Variants in ARPC5L observed in about 807,000 individuals in gnomAD.
ARPC5L encodes the protein actin related protein 2/3 complex subunit 5 like.
Under a neutral mutation model 16.9 loss-of-function variants are expected in ARPC5L, and 4 were observed. That is an observed-to-expected ratio of 0.24 (90% CI 0.12 to 0.54). The LOEUF (loss-of-function observed/expected upper bound fraction) is 0.54, where lower values mean the gene tolerates loss of function less well. Among genes scored for constraint, ARPC5L ranks in the 20% least tolerant of loss-of-function variants. The pLI, the probability that ARPC5L is intolerant of heterozygous loss-of-function variation, is 0.95. For missense variants in ARPC5L, 151 were observed against 201.9 expected, an observed-to-expected ratio of 0.75 and a Z score of 1.53; for synonymous variants, 78 against 82.6, an observed-to-expected ratio of 0.94 and a Z score of 0.30.
At chr9:124,874,232 C>T (rs1829401089) in intron 4 of ARPC5L, among the ~76,000 whole-genome samples, 1 of 152,242 alleles carries the variant, frequency 6.6e-6, no homozygotes, top group Non-Finnish European at 1.5e-5. Flanking sequence ...GCAGCTGTGA[C>T]AGCATCTTGA....
intron 3 of ARPC5L, 41 bp from the exon 4 acceptor site, chr9:124,873,651 A>T: frequency 6.2e-7 from 1 of 1,609,234 alleles, no homozygotes; most frequent in South Asian, 1.1e-5. Flanking sequence ...GACGGCATGG[A>T]TGTGCTTGAG....
intron 2 of ARPC5L, among the ~76,000 whole-genome samples, chr9:124,867,923 C>A (rs1829295204): frequency 6.6e-6 from 1 of 151,782 alleles, no homozygotes; most frequent in Admixed American, 6.6e-5. Flanking sequence ...GATTCTCCTG[C>A]CTCAGCCTCC....
chr9:124,863,792 C>G lies in ARPC5L; in HGVS notation c.-983-196C>G, dbSNP rs1016384550. ...GGCATTAATCAGCACTCCAGTGCCA[C>G]TCCCTTGCCCTTAATAAAGACATGC... On this transcript the variant is annotated intron_variant, in intron 1 of 5. Transcript: ENST00000353214. Among the ~76,000 whole-genome samples, 125 of 152,228 alleles carry G rather than the reference C, an allele frequency of 8.2e-4. 6 individuals carry two copies. The highest frequency in any genetic ancestry group is 8.8e-5 in the Non-Finnish European group (6 of 68,038).
At chr9:124,873,416 C>A in intron 3 of ARPC5L, 1 of 495,512 alleles carries the variant, frequency 2.0e-6, no homozygotes, top group Middle Eastern at 5.5e-4. Flanking sequence ...CAAGTGAGCA[C>A]AATCCAATTT....
rs560348166 is a variant in ARPC5L, at chr9:124,868,415, T to C, written c.-863-13T>C. ...CGTCCTTGACTTCCCTAAACCGCTT[T>C]CCCCCATCTCAGATTCTGAGAATTT... On this transcript the variant is annotated splice_polypyrimidine_tract_variant and intron_variant, in intron 2 of 5. Coordinates refer to ENST00000353214, the MANE Select transcript of ARPC5L (RefSeq NM_030978.3). 1 of 152,262 alleles carries C rather than the reference T, an allele frequency of 6.6e-6. No homozygotes were observed. Among genetic ancestry groups the C allele is most frequent in the Admixed American group, 6.5e-5 (1 of 15,292 alleles). 9.4% of individuals were successfully genotyped at this position (152,262 alleles called of 1,614,324 possible).
chr9:124,872,047 C>T (rs1829367793), intron 3 of ARPC5L, among the ~76,000 whole-genome samples: 1 of 152,176 alleles, frequency 6.6e-6, no homozygotes, highest in Non-Finnish European at 1.5e-5. Flanking sequence ...CCTCCCTGCG[C>T]CCCACATCTC....
At position 124,875,118 on chromosome 9, in the gene ARPC5L, TAGC is replaced by T; in HGVS notation, c.370_372del (p.Ser124del). The stretch of plus-strand genomic sequence containing the variant: ...AAGGCTTTGAGAAGCCCACAGAAAA[TAGC>T]AGCGCAGTGTTACTCCAGTGGCACG... On this transcript the variant is annotated inframe_deletion, in exon 5 of 6. Transcript: ENST00000353214. 1 of 1,614,054 alleles carries T rather than the reference TAGC, an allele frequency of 6.2e-7. No individual in the cohort carries two copies. The highest frequency in any genetic ancestry group is 8.5e-7 in the Non-Finnish European group (1 of 1,179,946).
At chr9:124,867,663 TC>T (rs972958212) in intron 2 of ARPC5L, among the ~76,000 whole-genome samples, 5 of 152,170 alleles carry the variant, frequency 3.3e-5, no homozygotes, top group African/African-American at 1.2e-4. Flanking sequence ...GGGTTCAAGT[TC>T]CTTCTGACCA....
rs1307422214 is a variant in ARPC5L, at chr9:124,863,741, T to TA, written c.-983-247_-983-246insA. On this transcript the variant is annotated intron_variant, in intron 1 of 5. Transcript: ENST00000353214. ...TCACAAGGCAGGGCATGTTTAGGCT[T>TA]TCTGATTAATGTCTGCCAACCAGTA... is the stretch of plus-strand genomic sequence containing the variant. Among the ~76,000 whole-genome samples, 5 of 152,346 alleles carry TA rather than the reference T, an allele frequency of 3.3e-5. No individual in the cohort carries two copies. In the East Asian group the frequency reaches 7.7e-4, roughly 23 times the overall value.
rs552228828 is a variant in ARPC5L, at chr9:124,874,665, G to A, written c.223-310G>A. Among the ~76,000 whole-genome samples, 39 of 152,226 alleles carry A rather than the reference G, an allele frequency of 2.6e-4. No homozygotes were observed. The South Asian group carries it at 7.7e-3, about 30-fold the overall frequency. On this transcript the variant is annotated intron_variant, in intron 4 of 5. Transcript: ENST00000353214. Reference sequence around the variant, plus strand: ...CCACTGCACTCTAGCTCAGGCAACAGAGCGAGACCCTGCCCCTCCCTCCCT... The same window carrying A: ...CCACTGCACTCTAGCTCAGGCAACAAAGCGAGACCCTGCCCCTCCCTCCCT...
intron 3 of ARPC5L, among the ~76,000 whole-genome samples, chr9:124,871,292 C>T (rs1239638658): frequency 6.6e-6 from 1 of 152,204 alleles, no homozygotes; most frequent in Non-Finnish European, 1.5e-5. Flanking sequence ...CATGCTCTGG[C>T]TCTGTGACCT....
chr9:124,868,982 A>C lies in ARPC5L; in HGVS notation c.-309A>C. 7.3e-6 allele frequency: 2 copies of C among 272,698 alleles called. No individual in the cohort carries two copies. The highest frequency in any genetic ancestry group is 1.4e-5 in the Non-Finnish European group (2 of 145,940). 16.9% of individuals were successfully genotyped at this position (272,698 alleles called of 1,614,324 possible). The stretch of plus-strand genomic sequence containing the variant: ...GGCACACACGAGGCGGGGCCTGCAC[A>C]GATGCCGGGCGCCCGATCCTCAGTG... On this transcript the variant is annotated 5_prime_UTR_variant, in exon 3 of 6. Coordinates refer to ENST00000353214, the MANE Select transcript of ARPC5L (RefSeq NM_030978.3).
chr9:124,866,464 G>A (rs996646445), intron 2 of ARPC5L, among the ~76,000 whole-genome samples: 6 of 152,076 alleles, frequency 3.9e-5, no homozygotes, highest in Admixed American at 1.3e-4. Flanking sequence ...GCTCATGCCT[G>A]TAATCCCAGC....
Position 124,873,771 on chromosome 9 carries a change from G to A in ARPC5L, c.222+7G>A. 6.2e-7 allele frequency: 1 copy of A among 1,614,146 alleles called. No individual in the cohort carries two copies. Among genetic ancestry groups the A allele is most frequent in the Non-Finnish European group, 8.5e-7 (1 of 1,180,036 alleles). ...CAAGAATCAAGCTGTGAAGGTAAAGGGGTGGCGCTGCGGCTCTGCTGGGTG... is the reference window on the plus strand; with the variant it reads ...CAAGAATCAAGCTGTGAAGGTAAAGAGGTGGCGCTGCGGCTCTGCTGGGTG... On this transcript the variant is annotated splice_region_variant and intron_variant, in intron 4 of 5. Transcript: ENST00000353214.
chr9:124,862,579 G>A (rs957176655), intron 1 of ARPC5L, among the ~76,000 whole-genome samples, 181 bp downstream of exon 1: 3 of 143,090 alleles, frequency 2.1e-5, no homozygotes, highest in Non-Finnish European at 4.5e-5. Flanking sequence ...GTGCAGTGTC[G>A]CGATCTCGGC....
intron 4 of ARPC5L, 135 bp downstream of exon 4, chr9:124,873,899 C>A: frequency 1.0e-6 from 1 of 961,418 alleles, no homozygotes; most frequent in Non-Finnish European, 1.6e-6. Context: ...AGGGAAGCCT[C>A]CTGGCGCTCC....
intron 2 of ARPC5L, among the ~76,000 whole-genome samples, chr9:124,865,685 C>T (rs1338197092): frequency 2.6e-5 from 4 of 151,182 alleles, no homozygotes; most frequent in African/African-American, 4.9e-5. Flanking sequence ...CACAGCTATT[C>T]GGGAGGCTGA....
chr9:124,864,424 A>G (rs964619069), intron 2 of ARPC5L, among the ~76,000 whole-genome samples: 1 of 151,932 alleles, frequency 6.6e-6, no homozygotes, highest in Admixed American at 6.6e-5. Flanking sequence ...CAGGGGCACA[A>G]TCTCGGCTCT....
chr9:124,869,823 G>A (rs1399139321), intron 3 of ARPC5L, among the ~76,000 whole-genome samples: 1 of 152,310 alleles, frequency 6.6e-6, no homozygotes, highest in South Asian at 2.1e-4. Context: ...CTATGGCGGG[G>A]CTGGGTCGGC....
Sources: allele counts gnomAD v4.1 joint callset (sites outside exome capture counted in the v4.1 genomes callset), GRCh38; gene constraint gnomAD v4.1.1; transcripts MANE v1.5; gene names NCBI Gene and HGNC (gene_info 2026-07-23, HGNC 2026-07-21).